PLPP4: variants seen among roughly 807,000 people sequenced by gnomAD.
PLPP4 encodes the protein diacylglycerol pyrophosphate like 2.
A neutral mutation model predicts 32.2 loss-of-function variants in PLPP4; 20 were observed. That is an observed-to-expected ratio of 0.62 (90% confidence interval 0.44 to 0.90). The LOEUF (loss-of-function observed/expected upper bound fraction) is 0.90. Ranked by LOEUF, PLPP4 falls within the 40% of genes least tolerant of loss-of-function variation. The pLI is 0.00. For synonymous variants in PLPP4, 127 were observed against 133.0 expected, an observed-to-expected ratio of 0.95 and a Z score of 0.31; for missense variants, 257 against 353.1, an observed-to-expected ratio of 0.73 and a Z score of 2.18.
rs1278800521 is a variant in PLPP4 at position 120,513,928 on chromosome 10, A to AC, written c.187dup (p.Leu63ProfsTer17). The AC allele has an allele frequency of 4.3e-6, 7 of 1,613,850 alleles. No individual in the cohort carries two copies. In the Admixed American group the frequency reaches 1.2e-4, roughly 27 times the overall value. On this transcript the variant is annotated frameshift_variant, in exon 3 of 7. Transcript: ENST00000398250. LOFTEE classifies it high-confidence loss of function. Reference sequence around the variant, plus strand: ...TCTTCCAGGCAATTTCTTTCCTCACACCCCTGGCTGTTATTTGTGTGGTGA... The same window carrying AC: ...TCTTCCAGGCAATTTCTTTCCTCACACCCCCTGGCTGTTATTTGTGTGGTGA...
At chr10:120,567,752 A>G (rs1848756613) in intron 5 of PLPP4, among the ~76,000 whole-genome samples, 1 of 152,218 alleles carries the variant, frequency 6.6e-6, no homozygotes, top group Non-Finnish European at 1.5e-5. Flanking sequence ...GAAAAATGCA[A>G]CTTATTTGCT....
At chr10:120,573,175 A>AG (rs1849023430) in intron 5 of PLPP4, among the ~76,000 whole-genome samples, 1 of 152,180 alleles carries the variant, frequency 6.6e-6, no homozygotes, top group Admixed American at 6.5e-5. Context: ...CACTGTGAGG[A>AG]GGGGGAGGGT....
chr10:120,545,470 CT>C (rs1847572437), intron 5 of PLPP4, among the ~76,000 whole-genome samples: 1 of 152,080 alleles, frequency 6.6e-6, no homozygotes, highest in Non-Finnish European at 1.5e-5. Context: ...TCACTTTTAC[CT>C]TCTCATAGCA....
intron 5 of PLPP4, among the ~76,000 whole-genome samples, chr10:120,555,678 A>G (rs138953647): frequency 6.6e-6 from 1 of 152,276 alleles, no homozygotes; most frequent in East Asian, 1.9e-4. Context: ...TGCCTGTTTG[A>G]ATGAATGAAT....
chr10:120,472,849 T>G (rs1394351749), intron 1 of PLPP4, among the ~76,000 whole-genome samples: 1 of 152,200 alleles, frequency 6.6e-6, no homozygotes, highest in East Asian at 1.9e-4. Context: ...TCACTAATTC[T>G]TTATGCTACT....
At chr10:120,523,331 C>A (rs921548958) in intron 5 of PLPP4, among the ~76,000 whole-genome samples, 4 of 151,902 alleles carry the variant, frequency 2.6e-5, no homozygotes, top group African/African-American at 7.2e-5. Context: ...GCTCAAAATT[C>A]TTGTAGGCTC....
At chr10:120,485,447 G>C (rs1844402686) in intron 1 of PLPP4, among the ~76,000 whole-genome samples, 1 of 152,214 alleles carries the variant, frequency 6.6e-6, no homozygotes, top group South Asian at 2.1e-4. Context: ...TGGCCTCCAA[G>C]GCCTACAGAC....
intron 5 of PLPP4, among the ~76,000 whole-genome samples, chr10:120,523,237 G>A (rs567043087): frequency 1.3e-5 from 2 of 152,070 alleles, no homozygotes; most frequent in Non-Finnish European, 2.9e-5. Context: ...GGGGGTCAGA[G>A]GTTACAGTGA....
At chr10:120,585,769 C>T (rs552867891) in intron 6 of PLPP4, among the ~76,000 whole-genome samples, 299 of 152,264 alleles carry the variant, frequency 2.0e-3, no homozygotes, top group Non-Finnish European at 2.6e-3. Flanking sequence ...ACTGCAGCCC[C>T]AGGAGCCTCC....
At chr10:120,508,815 G>T (rs1845611846) in intron 2 of PLPP4, among the ~76,000 whole-genome samples, 1 of 152,228 alleles carries the variant, frequency 6.6e-6, no homozygotes, top group Non-Finnish European at 1.5e-5. Flanking sequence ...ATCTAAGGGT[G>T]CAGGTGGGCT....
At chr10:120,531,745 G>T (rs995451831) in intron 5 of PLPP4, among the ~76,000 whole-genome samples, 2 of 151,756 alleles carry the variant, frequency 1.3e-5, no homozygotes, top group African/African-American at 4.8e-5. Flanking sequence ...GTATAAATTT[G>T]GATCTACTTC....
chr10:120,571,881 G>C lies in PLPP4; in HGVS notation c.446-3250G>C, dbSNP rs555027541. On this transcript the variant is annotated intron_variant, in intron 5 of 6. Transcript: ENST00000398250. ...AAAGTCCTTTGTCAAAGGATATTAT[G>C]TTAGTTCAATAACAGTATAAATATC... Among the ~76,000 whole-genome samples, 11 of 152,302 alleles carry C rather than the reference G, an allele frequency of 7.2e-5. No individual in the cohort carries two copies. The South Asian group carries it at 2.1e-3, about 29-fold the overall frequency.
chr10:120,589,029 G>C lies in PLPP4; in HGVS notation c.617-274G>C, dbSNP rs568267422. On this transcript the variant is annotated intron_variant, in intron 6 of 6. Coordinates refer to ENST00000398250, the MANE Select transcript of PLPP4 (RefSeq NM_001030059.3). The stretch of plus-strand genomic sequence containing the variant: ...GCACTGCACTCCAGCCTGGGCAACA[G>C]AGCAAGATTCCATCAAAAACAACAA... Among the ~76,000 whole-genome samples, 53 of 152,268 alleles carry C rather than the reference G, an allele frequency of 3.5e-4. No homozygotes were observed. The South Asian group carries it at 4.8e-3, about 14-fold the overall frequency.
At position 120,592,015 on chromosome 10, in the gene PLPP4, G is replaced by A. The variant is rs968350418; in HGVS notation, c.*2513G>A. Among the ~76,000 whole-genome samples, 2 of 152,054 alleles carry A rather than the reference G, an allele frequency of 1.3e-5. No homozygotes were observed. Among genetic ancestry groups the A allele is most frequent in the African/African-American group, 2.4e-5 (1 of 41,394 alleles). On this transcript the variant is annotated 3_prime_UTR_variant, in exon 7 of 7. Transcript: ENST00000398250. ...TGTTTCAATTTCATGCTCTATTCAC[G>A]TGAAGTAAATATAACATCACAGTGT...
At position 120,516,117 on chromosome 10, in the gene PLPP4, T is replaced by C. The variant is rs549329171; in HGVS notation, c.256+2116T>C. ...AAAAATGATGAACAGCCTCCCATTG[T>C]GTGTAGAGGTTTTTTTTTCAATCAC... On this transcript the variant is annotated intron_variant, in intron 3 of 6. Coordinates refer to ENST00000398250, the MANE Select transcript of PLPP4 (RefSeq NM_001030059.3). 3.3e-5 allele frequency among the ~76,000 whole-genome samples: 5 copies of C among 152,306 alleles called. No individual in the cohort carries two copies. In the East Asian group the frequency reaches 9.6e-4, roughly 29 times the overall value.
intron 5 of PLPP4, among the ~76,000 whole-genome samples, chr10:120,566,940 C>A (rs1848720029): frequency 6.6e-6 from 1 of 152,280 alleles, no homozygotes; most frequent in South Asian, 2.1e-4. Context: ...ACAGGTAGTC[C>A]TGAGACTTTG....
chr10:120,540,717 A>G (rs1191912444), intron 5 of PLPP4, among the ~76,000 whole-genome samples: 1 of 152,226 alleles, frequency 6.6e-6, no homozygotes, highest in East Asian at 1.9e-4. Flanking sequence ...AGAAATGGCC[A>G]CTTAATTACA....
At chr10:120,504,989 A>ATGCCACATGGCAAT (rs1448080001) in intron 2 of PLPP4, among the ~76,000 whole-genome samples, 9 of 152,222 alleles carry the variant, frequency 5.9e-5, no homozygotes, top group Non-Finnish European at 1.0e-4. Context: ...CCCACCCTCA[A>ATGCCACATGGCAAT]TGCCACATGG....
chr10:120,578,689 T>G (rs1367607707), intron 6 of PLPP4, among the ~76,000 whole-genome samples: 2 of 152,226 alleles, frequency 1.3e-5, no homozygotes, highest in African/African-American at 4.8e-5. Flanking sequence ...ATCTATTGTT[T>G]TATTAAGTGA....
Sources: gnomAD v4.1 joint callset for allele counts (sites outside exome capture counted in the v4.1 genomes callset) on GRCh38, gnomAD v4.1.1 for gene constraint, MANE v1.5 for transcripts, NCBI Gene and HGNC (gene_info 2026-07-23, HGNC 2026-07-21) for gene names.